ARHGAP6: variants seen among roughly 807,000 people sequenced by gnomAD.
ARHGAP6 encodes Rho GTPase activating protein 6, also known as rho GTPase-activating protein 6.
In ARHGAP6, 16 loss-of-function variants were observed where a neutral mutation model predicts 55.7. The observed-to-expected ratio is 0.29, with a 90% CI of 0.19 to 0.44. ARHGAP6 has a LOEUF of 0.44. ARHGAP6 is among the 20% of genes least tolerant of loss of function. ARHGAP6 has a pLI of 1.00. For missense variants in ARHGAP6, 698 were observed against 808.9 expected (o/e 0.86, Z 1.66); for synonymous variants, 382 against 360.9 (o/e 1.06, Z -0.66).
intron 9 of ARHGAP6, among the ~76,000 whole-genome samples, chrX:11,165,953 G>A (rs185428182): frequency 8.9e-6 from 1 of 111,824 alleles, no homozygotes; most frequent in East Asian, 2.8e-4. Flanking sequence ...TACTGCCTTC[G>A]TATTTTGATA....
intron 1 of ARHGAP6, among the ~76,000 whole-genome samples, chrX:11,355,719 C>T (rs994523072): frequency 1.8e-5 from 2 of 111,049 alleles, no homozygotes; most frequent in African/African-American, 3.3e-5. Context: ...AACATATGAC[C>T]GTTAGGGTGC....
Position 11,466,422 on chromosome X carries a change from T to C in ARHGAP6, c.588+197819A>G, listed in dbSNP as rs1438848992. The stretch of plus-strand genomic sequence containing the variant: ...TATCCTTATATAGGTTGAGAAAGAA[T>C]ATGAAAAAAAAAAAAACTATTACCA... On this transcript the variant is annotated intron_variant, in intron 1 of 12. Coordinates refer to ENST00000337414, the MANE Select transcript of ARHGAP6 (RefSeq NM_013427.3). 9.2e-5 allele frequency among the ~76,000 whole-genome samples: 10 copies of C among 108,400 alleles called. No individual in the cohort carries two copies. The East Asian group carries it at 2.6e-3, about 28-fold the overall frequency. The allele number at this position is 108,400 out of a possible 115,157, so 94.1% of individuals were successfully genotyped here.
intron 1 of ARHGAP6, among the ~76,000 whole-genome samples, chrX:11,523,763 C>T (rs929512894): frequency 1.8e-5 from 2 of 110,953 alleles, no homozygotes; most frequent in Non-Finnish European, 3.8e-5. Context: ...TCCCCAATAA[C>T]AAAAGTAGAA....
rs192095858 is a variant in ARHGAP6 at position 11,258,604 on chromosome X, A to G, written c.589-3897T>C. Among the ~76,000 whole-genome samples, 17 of 112,114 alleles carry G rather than the reference A, an allele frequency of 1.5e-4. No homozygotes were observed. In the East Asian group the frequency reaches 2.0e-3, roughly 13 times the overall value. On this transcript the variant is annotated intron_variant, in intron 1 of 12. Coordinates refer to ENST00000337414, the MANE Select transcript of ARHGAP6 (RefSeq NM_013427.3). ...AACAGTTCCAACACAATCAAATAAT[A>G]TATGTTTTTTCAAACTGTTTACAAA...
chrX:11,157,279 G>A (rs1301843423), intron 9 of ARHGAP6, among the ~76,000 whole-genome samples: 1 of 112,506 alleles, frequency 8.9e-6, no homozygotes, highest in Non-Finnish European at 1.9e-5. Context: ...CTTTAAAACA[G>A]TACTTGGTCA....
In ARHGAP6 at chrX:11,358,999, T is replaced by C. The variant is rs774289306; in HGVS notation, c.589-104292A>G. Among the ~76,000 whole-genome samples, 5 of 112,342 alleles carry C rather than the reference T, an allele frequency of 4.5e-5. No homozygotes were observed. The Admixed American group carries it at 4.7e-4, about 11-fold the overall frequency. ...GTTAAATCCTAAGCACTTATCTCCT[T>C]AAAAATAAATTCAGCTTGATTTAGA... On this transcript the variant is annotated intron_variant, in intron 1 of 12. Transcript: ENST00000337414.
chrX:11,509,575 C>T (rs765176101), intron 1 of ARHGAP6, among the ~76,000 whole-genome samples: 33 of 111,880 alleles, frequency 2.9e-4, no homozygotes, highest in Non-Finnish European at 5.6e-4. Flanking sequence ...CATTCTCAGT[C>T]CTCCCTGATA....
At chrX:11,265,404 C>T (rs1488119267) in intron 1 of ARHGAP6, among the ~76,000 whole-genome samples, 1 of 112,024 alleles carries the variant, frequency 8.9e-6, no homozygotes, top group Non-Finnish European at 1.9e-5. Flanking sequence ...AGCCTGTGCC[C>T]GAATCTTTTA....
intron 1 of ARHGAP6, among the ~76,000 whole-genome samples, chrX:11,595,730 G>A (rs1469340860): frequency 4.5e-5 from 5 of 111,597 alleles, no homozygotes; most frequent in African/African-American, 9.8e-5. Context: ...AATTTTACAA[G>A]GGGAAAAAAA....
chrX:11,159,254 G>A (rs2045906938), intron 9 of ARHGAP6, among the ~76,000 whole-genome samples: 1 of 111,115 alleles, frequency 9.0e-6, no homozygotes, highest in Admixed American at 9.6e-5. Context: ...TGCAGTGGGT[G>A]GGGATCCACT....
At chrX:11,322,666 A>T (rs1231175647) in intron 1 of ARHGAP6, among the ~76,000 whole-genome samples, 1 of 112,418 alleles carries the variant, frequency 8.9e-6, no homozygotes, top group Non-Finnish European at 1.9e-5. Context: ...TTGATGTGGT[A>T]AATAGGATAA....
Position 11,498,639 on chromosome X carries a change from T to G in ARHGAP6, c.588+165602A>C, listed in dbSNP as rs1377205288. The stretch of plus-strand genomic sequence containing the variant: ...GCTACTCATTTCAGCCTCCTGAACT[T>G]TGGTCTTATTTTAATCAAAGTGGGG... On this transcript the variant is annotated intron_variant, in intron 1 of 12. Transcript: ENST00000337414. 2.0e-4 allele frequency among the ~76,000 whole-genome samples: 22 copies of G among 111,733 alleles called. No individual in the cohort carries two copies. In the Admixed American group the frequency reaches 2.1e-3, roughly 11 times the overall value.
chrX:11,642,428 A>T (rs751564950), intron 1 of ARHGAP6, among the ~76,000 whole-genome samples: 1 of 112,196 alleles, frequency 8.9e-6, no homozygotes, highest in East Asian at 2.8e-4. Context: ...AGAAATTCCA[A>T]TGCTACATAT....
chrX:11,359,588 G>T (rs1347238101), intron 1 of ARHGAP6, among the ~76,000 whole-genome samples: 1 of 111,588 alleles, frequency 9.0e-6, no homozygotes, highest in Non-Finnish European at 1.9e-5. Flanking sequence ...AATCATCTTT[G>T]CACAAGCATT....
chrX:11,465,656 C>G (rs976210353), intron 1 of ARHGAP6, among the ~76,000 whole-genome samples: 2 of 112,040 alleles, frequency 1.8e-5, no homozygotes, highest in Non-Finnish European at 3.8e-5. Flanking sequence ...AGAATAGATT[C>G]ACATACCCAA....
At chrX:11,640,623 T>C (rs1441771463) in intron 1 of ARHGAP6, among the ~76,000 whole-genome samples, 1 of 111,677 alleles carries the variant, frequency 9.0e-6, no homozygotes, top group Non-Finnish European at 1.9e-5. Context: ...TGTCATAATT[T>C]CACACACACG....
intron 1 of ARHGAP6, among the ~76,000 whole-genome samples, chrX:11,538,061 A>C (rs745898904): frequency 8.9e-6 from 1 of 112,029 alleles, no homozygotes; most frequent in Non-Finnish European, 1.9e-5. Context: ...TTTGTGACAT[A>C]AAAAGGCTTT....
intron 1 of ARHGAP6, among the ~76,000 whole-genome samples, chrX:11,596,203 A>C (rs2051900069): frequency 8.9e-6 from 1 of 112,441 alleles, no homozygotes; most frequent in African/African-American, 3.2e-5. Context: ...CTGGATAAAG[A>C]AAATGTGGCA....
At chrX:11,501,951 C>T (rs2050684215) in intron 1 of ARHGAP6, among the ~76,000 whole-genome samples, 1 of 111,068 alleles carries the variant, frequency 9.0e-6, no homozygotes, top group Non-Finnish European at 1.9e-5. Context: ...GTTGAAAGAT[C>T]AACTGTGTGT....
Sources: gnomAD v4.1 joint callset for allele counts (sites outside exome capture counted in the v4.1 genomes callset) on GRCh38, gnomAD v4.1.1 for gene constraint, MANE v1.5 for transcripts, NCBI Gene and HGNC (gene_info 2026-07-23, HGNC 2026-07-21) for gene names.